Variants in TRPC5 observed in about 807,000 individuals in gnomAD.
TRPC5 encodes the protein short transient receptor potential channel 5.
In TRPC5, 9 loss-of-function variants were observed where a neutral mutation model predicts 56.5. The observed-to-expected ratio is 0.16, with a 90% confidence interval of 0.10 to 0.28. TRPC5 has a LOEUF of 0.28. Among genes scored for constraint, TRPC5 ranks in the 10% least tolerant of loss-of-function variants. TRPC5 has a pLI of 1.00. For synonymous variants in TRPC5, 282 were observed against 278.5 expected (o/e 1.01, Z -0.13); for missense variants, 469 against 748.9 (o/e 0.63, Z 4.36).
At chrX:111,809,892 TTG>T (rs369748229) in intron 7 of TRPC5, among the ~76,000 whole-genome samples, 97 of 107,928 alleles carry the variant, frequency 9.0e-4, no homozygotes, top group African/African-American at 2.7e-3. Flanking sequence ...GTTTTTTTTT[TTG>T]TTGTTGTTGT....
chrX:111,788,260 T>C (rs2148553589), intron 7 of TRPC5, among the ~76,000 whole-genome samples: 1 of 111,868 alleles, frequency 8.9e-6, no homozygotes, highest in South Asian at 3.8e-4. Flanking sequence ...TGGTTCAACA[T>C]ACACAAATCA....
At chrX:111,964,488 T>A in intron 1 of TRPC5, among the ~76,000 whole-genome samples, 1 of 111,204 alleles carries the variant, frequency 9.0e-6, no homozygotes, top group Middle Eastern at 4.6e-3. Flanking sequence ...ACAAAGATAC[T>A]CCTCGAGAAG....
intron 1 of TRPC5, among the ~76,000 whole-genome samples, chrX:112,011,432 T>C (rs111490954): frequency 0.04 from 4,479 of 111,785 alleles, 208 homozygotes; most frequent in African/African-American, 0.14. Flanking sequence ...AAAGAGTCAT[T>C]TGCTGCCTCT....
rs1225228498 is a variant in TRPC5 at position 111,776,919 on chromosome X, A to G, written c.2316T>C (p.Thr772=). 9.2e-6 allele frequency: 11 copies of G among 1,196,659 alleles called. No homozygotes were observed. The African/African-American group carries it at 1.1e-4, about 11-fold the overall frequency. ...CTCTCTGAGACAGTTCAGTGCTGCT[A>G]GTGGAAAAGCTCCTTGGATGTTTTC... The part of the protein sequence containing the change: ...GNRKHPRSFS[T]SSTELSQRDD... Residue 772 remains threonine (T), a synonymous_variant, in exon 11 of 11, where the codon ACT becomes ACC. Coordinates refer to ENST00000262839, the MANE Select transcript of TRPC5 (RefSeq NM_012471.3).
chrX:111,784,361 T>C (rs1945943538), intron 7 of TRPC5, among the ~76,000 whole-genome samples: 1 of 111,984 alleles, frequency 8.9e-6, no homozygotes, highest in Middle Eastern at 4.2e-3. Context: ...AAAAGATAAC[T>C]CATAGAACGT....
At chrX:112,063,855 G>A (rs1441744527) in intron 1 of TRPC5, among the ~76,000 whole-genome samples, 2 of 111,876 alleles carry the variant, frequency 1.8e-5, no homozygotes, top group Admixed American at 9.5e-5. Context: ...GCAGTGGCGC[G>A]ATCTCGGCTC....
rs188482183 is a variant in TRPC5 at position 111,977,404 on chromosome X, T to C, written c.-21-24963A>G. Among the ~76,000 whole-genome samples the C allele has an allele frequency of 4.1e-3, 464 of 111,877 alleles. 6 individuals carry two copies. Among genetic ancestry groups the C allele is most frequent in the African/African-American group, 0.015 (449 of 30,859 alleles). On this transcript the variant is annotated intron_variant, in intron 1 of 10. Coordinates refer to ENST00000262839, the MANE Select transcript of TRPC5 (RefSeq NM_012471.3). ...AGGATAGACTCTTCAACAAATGGTATTGGGAAAACTGGATATCCAAATGCA... is the reference window on the plus strand; with the variant it reads ...AGGATAGACTCTTCAACAAATGGTACTGGGAAAACTGGATATCCAAATGCA...
At chrX:112,038,847 A>AT (rs750713100) in intron 1 of TRPC5, among the ~76,000 whole-genome samples, 6,316 of 88,213 alleles carry the variant, frequency 0.072, 233 homozygotes, top group Middle Eastern at 0.13. Context: ...ATGCCCGGCT[A>AT]TTTTTTTTTT....
At chrX:112,068,801 T>C (rs1189164369) in intron 1 of TRPC5, among the ~76,000 whole-genome samples, 1 of 112,370 alleles carries the variant, frequency 8.9e-6, no homozygotes, top group Non-Finnish European at 1.9e-5. Flanking sequence ...TAAATGCCTT[T>C]ACCTCTCAGG....
intron 2 of TRPC5, among the ~76,000 whole-genome samples, chrX:111,916,278 G>T (rs960843934): frequency 8.9e-6 from 1 of 112,089 alleles, no homozygotes; most frequent in South Asian, 3.8e-4. Flanking sequence ...TCCAAGAAGG[G>T]TTAGATGATT....
Position 111,780,991 on chromosome X carries a change from A to G in TRPC5, c.2142+174T>C, listed in dbSNP as rs1945915529. On this transcript the variant is annotated intron_variant, in intron 9 of 10. Transcript: ENST00000262839. ...ATAAGGGCCATGAACAGGATTATAA[A>G]GCAGGTGATTCCACTTGGAGAAGGT... 15 of 530,589 alleles carry G rather than the reference A, an allele frequency of 2.8e-5. No individual in the cohort carries two copies. The South Asian group carries it at 3.7e-4, about 13-fold the overall frequency. The allele number at this position is 530,589 out of a possible 1,213,427, so 43.7% of individuals were successfully genotyped here.
chrX:111,992,242 AG>A (rs1458374087), intron 1 of TRPC5, among the ~76,000 whole-genome samples: 2 of 112,530 alleles, frequency 1.8e-5, no homozygotes, highest in Non-Finnish European at 3.7e-5. Flanking sequence ...AAACTTTTGA[AG>A]GTGATGGATA....
chrX:111,782,974 C>T (rs1945932929), intron 7 of TRPC5, among the ~76,000 whole-genome samples: 1 of 111,680 alleles, frequency 9.0e-6, no homozygotes, highest in South Asian at 3.7e-4. Flanking sequence ...CTCTCCCAAC[C>T]TCTAACCTCT....
At chrX:111,801,893 C>T (rs1921321845) in intron 7 of TRPC5, among the ~76,000 whole-genome samples, 1 of 111,887 alleles carries the variant, frequency 8.9e-6, no homozygotes, top group African/African-American at 3.2e-5. Flanking sequence ...TTTAATGAAA[C>T]TCAACTATGA....
chrX:111,784,569 G>A (rs998760707), intron 7 of TRPC5, among the ~76,000 whole-genome samples: 26 of 111,932 alleles, frequency 2.3e-4, no homozygotes, highest in African/African-American at 8.1e-4. Context: ...ATTGGGACTG[G>A]TTGGACAGTG....
intron 2 of TRPC5, among the ~76,000 whole-genome samples, chrX:111,948,747 GA>G (rs1474859892): frequency 8.6e-5 from 9 of 104,791 alleles, no homozygotes; most frequent in African/African-American, 2.5e-4. Flanking sequence ...AAAAAAAAAA[GA>G]AAAAAAGTGG....
chrX:111,980,760 ATAGAG>A (rs1370374841), intron 1 of TRPC5, among the ~76,000 whole-genome samples: 2 of 109,565 alleles, frequency 1.8e-5, no homozygotes, highest in Non-Finnish European at 3.8e-5. Context: ...GGAATTTACA[ATAGAG>A]TATTGTATAT....
intron 1 of TRPC5, among the ~76,000 whole-genome samples, chrX:111,994,335 G>A (rs923780737): frequency 2.7e-5 from 3 of 111,696 alleles, no homozygotes; most frequent in Non-Finnish European, 5.6e-5. Context: ...GTCAGGTAGT[G>A]TGATGCCTCC....
At chrX:111,945,685 G>A (rs942411745) in intron 2 of TRPC5, among the ~76,000 whole-genome samples, 1 of 112,015 alleles carries the variant, frequency 8.9e-6, no homozygotes, top group Non-Finnish European at 1.9e-5. Flanking sequence ...TAGACTAAAA[G>A]ACGGGGAAGA....
Sources: allele counts gnomAD v4.1 joint callset (sites outside exome capture counted in the v4.1 genomes callset), GRCh38; gene constraint gnomAD v4.1.1; transcripts MANE v1.5; gene names NCBI Gene and HGNC (gene_info 2026-07-23, HGNC 2026-07-21).